The following AQP10 variants were observed in gnomAD, a reference collection of about 807,000 sequenced individuals.
The protein encoded by AQP10 is aquaporin-10.
In AQP10, 15 loss-of-function variants were observed where a neutral mutation model predicts 21.0. The ratio of observed to expected loss-of-function variants is 0.71; its 90% CI spans 0.48 to 1.10. The LOEUF is 1.10. Among genes scored for constraint, AQP10 ranks in the 50% least tolerant of loss-of-function variants. AQP10 has a pLI of 0.00. For synonymous variants in AQP10, 143 were observed against 155.7 expected (o/e 0.92, Z 0.61); for missense variants, 268 against 379.5 (o/e 0.71, Z 2.44).
Position 154,321,173 on chromosome 1 carries a change from C to G in AQP10, c.18C>G (p.Ala6=). The G allele has an allele frequency of 6.2e-7, 1 of 1,613,592 alleles. No homozygotes were observed. Among genetic ancestry groups the G allele is most frequent in the Non-Finnish European group, 8.5e-7 (1 of 1,179,754 alleles). The change falls in exon 1 of 6, where the codon GCC becomes GCG. Residue 6 remains alanine, a synonymous_variant. Transcript: ENST00000324978. ...TTTCCACCATGGTCTTCACTCAGGCCCCGGCTGAAATCATGGGCCACCTCC... is the reference window on the plus strand; with the variant it reads ...TTTCCACCATGGTCTTCACTCAGGCGCCGGCTGAAATCATGGGCCACCTCC... MVFTQ[A]PAEIMGHLRI...
rs1195774315 is a variant in AQP10 at position 154,323,932 on chromosome 1, C to G, written c.707+126C>G. 6.7e-7 allele frequency: 1 copy of G among 1,488,320 alleles called. No individual in the cohort carries two copies. Among genetic ancestry groups the G allele is most frequent in the Admixed American group, 2.3e-5 (1 of 43,140 alleles). 92.2% of individuals were successfully genotyped at this position (1,488,320 alleles called of 1,614,324 possible). Reference sequence around the variant, plus strand: ...GGCTTCTTAGGACAGTGTTCTTTCTCCAAGTCATATTCTCCCCCTTTCTCC... The same window carrying G: ...GGCTTCTTAGGACAGTGTTCTTTCTGCAAGTCATATTCTCCCCCTTTCTCC... On this transcript the variant is annotated intron_variant, in intron 5 of 5. Coordinates refer to ENST00000324978, the MANE Select transcript of AQP10 (RefSeq NM_080429.3). This position sits in a 1 kb window ranked among gnomAD's most constrained non-coding sequence, Gnocchi z 4.5.
chr1:154,322,136 G>A (rs900475633), intron 2 of AQP10, 77 bp downstream of exon 2: 34 of 1,575,746 alleles, frequency 2.2e-5, no homozygotes, highest in Admixed American at 5.5e-5. Context: ...TGGTGGAAAC[G>A]CAAATCCTTC....
chr1:154,323,246 C>A lies in AQP10; in HGVS notation c.376C>A (p.Leu126Ile). ...GATYVLYHDALQNYTGGNLTV... is the reference protein window; with the variant it reads ...GATYVLYHDAIQNYTGGNLTV... ...GGTGTTCCCTTCCTCCACAGATGCC[C>A]TACAGAACTATACAGGTGGGAACCT... The change falls in exon 4 of 6, where the codon CTA becomes ATA. Residue 126 changes from leucine to isoleucine, a missense_variant. By Grantham distance (5) the Leu-to-Ile change is conservative. This residue lies in a region of AQP10 where 229 missense variants were observed against 295.1 expected (regional missense o/e 0.78). Coordinates refer to ENST00000324978, the MANE Select transcript of AQP10 (RefSeq NM_080429.3). The surrounding 1 kb of genome is among the most constrained non-coding windows in gnomAD (Gnocchi z 4.5). The A allele has an allele frequency of 6.2e-7, 1 of 1,614,144 alleles. No homozygotes were observed. Among genetic ancestry groups the A allele is most frequent in the Non-Finnish European group, 8.5e-7 (1 of 1,180,010 alleles).
rs1196559187 is a variant in AQP10 at position 154,321,230 on chromosome 1, G to A, written c.75G>A (p.Leu25=). 1.9e-6 allele frequency: 3 copies of A among 1,613,764 alleles called. No homozygotes were observed. The highest frequency in any genetic ancestry group is 1.3e-5 in the African/African-American group (1 of 75,012). The change falls in exon 1 of 6, where the codon CTG becomes CTA. Residue 25 remains leucine, a synonymous_variant. Coordinates refer to ENST00000324978, the MANE Select transcript of AQP10 (RefSeq NM_080429.3). ...GCAGCCTCCTGGCCCGGCAGTGCCT[G>A]GCAGAGTTTCTGGGTGTGTTTGTAC... is the stretch of plus-strand genomic sequence containing the variant. The part of the protein sequence containing the change: ...RIRSLLARQC[L]AEFLGVFVLM...
At position 154,323,364 on chromosome 1, in the gene AQP10, G is replaced by A; in HGVS notation, c.489+5G>A. 6.2e-7 allele frequency: 1 copy of A among 1,611,320 alleles called. No homozygotes were observed. Among genetic ancestry groups the A allele is most frequent in the Non-Finnish European group, 8.5e-7 (1 of 1,177,774 alleles). On this transcript the variant is annotated splice_donor_5th_base_variant and intron_variant, in intron 4 of 5. Coordinates refer to ENST00000324978, the MANE Select transcript of AQP10 (RefSeq NM_080429.3). This position sits in a 1 kb window ranked among gnomAD's most constrained non-coding sequence, Gnocchi z 4.5. ...AACAATGGCTTCCTGGATCAGGTAA[G>A]TGTGAGGGGGAGACCTGGGGACACT... is the stretch of plus-strand genomic sequence containing the variant.
chr1:154,324,615 C>G lies in AQP10; in HGVS notation c.*135C>G. The G allele has an allele frequency of 1.1e-6, 1 of 879,222 alleles. No individual in the cohort carries two copies. Among genetic ancestry groups the G allele is most frequent in the Non-Finnish European group, 1.7e-6 (1 of 589,230 alleles). 54.5% of individuals were successfully genotyped at this position (879,222 alleles called of 1,614,324 possible). ...TCTGTTTATCTGTTTGGCATCCCTT[C>G]CTCCTAAACTAAGAAGGATCCTGGA... On this transcript the variant is annotated 3_prime_UTR_variant, in exon 6 of 6. Transcript: ENST00000324978.
intron 2 of AQP10, among the ~76,000 whole-genome samples, chr1:154,322,542 C>G (rs1322355692): frequency 6.9e-6 from 1 of 144,232 alleles, no homozygotes; most frequent in Non-Finnish European, 1.5e-5. Context: ...CTCTGTTGCC[C>G]AGGCTGGAGA....
rs963052947 is a variant in AQP10, at chr1:154,323,418, C to A, written c.489+59C>A. The A allele has an allele frequency of 3.0e-5, 47 of 1,558,352 alleles. No individual in the cohort carries two copies. Among genetic ancestry groups the A allele is most frequent in the Non-Finnish European group, 4.0e-5 (45 of 1,134,082 alleles). On this transcript the variant is annotated intron_variant, in intron 4 of 5. Transcript: ENST00000324978. This position sits in a 1 kb window ranked among gnomAD's most constrained non-coding sequence, Gnocchi z 4.5. ...TTGGTCCTGTTCCTCGGCACCCCAG[C>A]CTATTGTTCAGTCTCTGGGTGGAGT...
In AQP10 at chr1:154,323,350, C is replaced by T. The variant is rs867034814; in HGVS notation, c.480C>T (p.Phe160=). ...CCTATCTGTCCCTGAACAATGGCTT[C>T]CTGGATCAGGTAAGTGTGAGGGGGA... ...PAPYLSLNNG[F]LDQVLGTGML... is the part of the protein sequence containing the mutation. The change falls in exon 4 of 6, where the codon TTC becomes TTT. Residue 160 remains phenylalanine, a synonymous_variant. Transcript: ENST00000324978. This position sits in a 1 kb window ranked among gnomAD's most constrained non-coding sequence, Gnocchi z 4.5. 6.2e-7 allele frequency: 1 copy of T among 1,613,710 alleles called. No homozygotes were observed. The highest frequency in any genetic ancestry group is 1.3e-5 in the African/African-American group (1 of 75,036).
intron 5 of AQP10, 42 bp from the exon 6 acceptor site, chr1:154,324,240 G>A (rs1200672015): frequency 1.3e-6 from 2 of 1,495,874 alleles, no homozygotes; most frequent in East Asian, 2.3e-5. Context: ...GGAAGGCTAA[G>A]GGAGTCACTC....
Position 154,323,076 on chromosome 1 carries a change from G to A in AQP10, c.327G>A (p.Leu109=). The A allele has an allele frequency of 6.2e-7, 1 of 1,614,222 alleles. No individual in the cohort carries two copies. Among genetic ancestry groups the A allele is most frequent in the Non-Finnish European group, 8.5e-7 (1 of 1,180,046 alleles). Residue 109 remains leucine, a synonymous_variant, in exon 3 of 6, where the codon CTG becomes CTA. Transcript: ENST00000324978. This position sits in a 1 kb window ranked among gnomAD's most constrained non-coding sequence, Gnocchi z 4.5. Reference sequence around the variant, plus strand: ...CCATTTACATCTTGGTGCAGTTGCTGTCTGCTTTCTGTGCTTCGGGAGCCA... The same window carrying A: ...CCATTTACATCTTGGTGCAGTTGCTATCTGCTTTCTGTGCTTCGGGAGCCA... ...KLPIYILVQL[L]SAFCASGATY...
At position 154,323,659 on chromosome 1, in the gene AQP10, C is replaced by CG. The variant is rs761432606; in HGVS notation, c.563dup (p.Leu189SerfsTer45). On this transcript the variant is annotated frameshift_variant, in exon 5 of 6. Coordinates refer to ENST00000324978, the MANE Select transcript of AQP10 (RefSeq NM_080429.3). LOFTEE classifies it high-confidence loss of function. The surrounding 1 kb of genome is among the most constrained non-coding windows in gnomAD (Gnocchi z 4.5). ...GACAGACGGAACAAGGGAGTCCCTG[C>CG]GGGTCTGGAGCCTGTGGTGGTGGGG... is the stretch of plus-strand genomic sequence containing the variant. 9 of 1,614,070 alleles carry CG rather than the reference C, an allele frequency of 5.6e-6. No individual in the cohort carries two copies. The highest frequency in any genetic ancestry group is 6.8e-6 in the Non-Finnish European group (8 of 1,180,024).
chr1:154,322,452 G>C (rs1360942631), intron 2 of AQP10, among the ~76,000 whole-genome samples: 1 of 149,110 alleles, frequency 6.7e-6, no homozygotes, highest in African/African-American at 2.5e-5. Context: ...AAAGCAGACA[G>C]ACCTAGGTTC....
Position 154,324,622 on chromosome 1 carries a change from A to C in AQP10, c.*142A>C. 1 of 811,754 alleles carries C rather than the reference A, an allele frequency of 1.2e-6. No homozygotes were observed. Among genetic ancestry groups the C allele is most frequent in the Non-Finnish European group, 1.9e-6 (1 of 531,030 alleles). The allele number at this position is 811,754 out of a possible 1,614,324, so 50.3% of individuals were successfully genotyped here. ...ATCTGTTTGGCATCCCTTCCTCCTA[A>C]ACTAAGAAGGATCCTGGACAGGGAG... is the stretch of plus-strand genomic sequence containing the variant. On this transcript the variant is annotated 3_prime_UTR_variant, in exon 6 of 6. Transcript: ENST00000324978.
In AQP10 at chr1:154,323,829, G is replaced by A. The variant is rs77038976; in HGVS notation, c.707+23G>A. 882 of 1,611,374 alleles carry A rather than the reference G, an allele frequency of 5.5e-4. 4 individuals carry two copies. In the African/African-American group the frequency reaches 0.011, roughly 19 times the overall value. ...CAGGTGGGAGACAGACTCTCCTGGT[G>A]CTGGCCTCCACTCACCTTCCTCTGC... is the stretch of plus-strand genomic sequence containing the variant. On this transcript the variant is annotated intron_variant, in intron 5 of 5. Transcript: ENST00000324978. The surrounding 1 kb of genome is among the most constrained non-coding windows in gnomAD (Gnocchi z 4.5).
Position 154,321,265 on chromosome 1 carries a change from G to T in AQP10, c.105+5G>T. The T allele has an allele frequency of 6.2e-7, 1 of 1,610,446 alleles. No individual in the cohort carries two copies. On this transcript the variant is annotated splice_donor_5th_base_variant and intron_variant, in intron 1 of 5. Coordinates refer to ENST00000324978, the MANE Select transcript of AQP10 (RefSeq NM_080429.3). ...CTGGGTGTGTTTGTACTCATGGTAG[G>T]TAGGATCACTGCGGGAAGGAAAGAA...
Position 154,323,398 on chromosome 1 carries a change from C to A in AQP10, c.489+39C>A. On this transcript the variant is annotated intron_variant, in intron 4 of 5. Transcript: ENST00000324978. The surrounding 1 kb of genome is among the most constrained non-coding windows in gnomAD (Gnocchi z 4.5). ...GGAGACCTGGGGACACTACTTTGGT[C>A]CTGTTCCTCGGCACCCCAGCCTATT... The A allele has an allele frequency of 1.3e-6, 2 of 1,593,086 alleles. No individual in the cohort carries two copies. The highest frequency in any genetic ancestry group is 1.1e-5 in the South Asian group (1 of 90,468).
rs1404420127 is a variant in AQP10 at position 154,323,313 on chromosome 1, C to T, written c.443C>T (p.Thr148Ile). The T allele has an allele frequency of 1.2e-6, 2 of 1,614,184 alleles. No homozygotes were observed. Among genetic ancestry groups the T allele is most frequent in the Non-Finnish European group, 1.7e-6 (2 of 1,180,026 alleles). ...AAGGAGACAGCCTCCATTTTTGCCA[C>T]CTATCCTGCCCCCTATCTGTCCCTG... ...GPKETASIFA[T>I]YPAPYLSLNN... The change falls in exon 4 of 6, where the codon ACC (threonine) becomes ATC (isoleucine). Residue 148 changes from threonine to isoleucine, a missense_variant. Physicochemically the swap from Thr to Ile is moderately conservative, Grantham distance 89 (BLOSUM62 -1). Coordinates refer to ENST00000324978, the MANE Select transcript of AQP10 (RefSeq NM_080429.3). This position sits in a 1 kb window ranked among gnomAD's most constrained non-coding sequence, Gnocchi z 4.5.
In AQP10 at chr1:154,323,453, G is replaced by T; in HGVS notation, c.489+94G>T. 2 of 1,503,058 alleles carry T rather than the reference G, an allele frequency of 1.3e-6. No individual in the cohort carries two copies. Among genetic ancestry groups the T allele is most frequent in the Non-Finnish European group, 1.8e-6 (2 of 1,093,296 alleles). The allele number at this position is 1,503,058 out of a possible 1,614,324, so 93.1% of individuals were successfully genotyped here. Reference sequence around the variant, plus strand: ...AGTCTCTGGGTGGAGTGTGGGTTGGGTCTATCTTGGCACTCCCCACCATCC... The same window carrying T: ...AGTCTCTGGGTGGAGTGTGGGTTGGTTCTATCTTGGCACTCCCCACCATCC... On this transcript the variant is annotated intron_variant, in intron 4 of 5. Transcript: ENST00000324978. The surrounding 1 kb of genome is among the most constrained non-coding windows in gnomAD (Gnocchi z 4.5).
Sources: gnomAD v4.1 joint callset for allele counts (sites outside exome capture counted in the v4.1 genomes callset) on GRCh38, gnomAD v4.1.1 for gene constraint, gnomAD v4.1.1 regional missense constraint, Gnocchi (gnomAD v3.1) non-coding constraint, MANE v1.5 for transcripts, NCBI Gene and HGNC (gene_info 2026-07-23, HGNC 2026-07-21) for gene names.